EIF3B: variants seen among roughly 807,000 people sequenced by gnomAD.
EIF3B encodes eukaryotic translation initiation factor 3 subunit 9.
In EIF3B, 10 loss-of-function variants were observed where a neutral mutation model predicts 104.6. That is an observed-to-expected ratio of 0.10 (90% CI 0.06 to 0.16). EIF3B has a LOEUF of 0.16. Ranked by LOEUF, EIF3B falls within the 10% of genes least tolerant of loss-of-function variation. EIF3B has a pLI of 1.00. For synonymous variants in EIF3B, 542 were observed against 417.2 expected (o/e 1.30, Z -3.65); for missense variants, 1,014 against 1,087.9 (o/e 0.93, Z 0.96).
At position 2,362,604 on chromosome 7, in the gene EIF3B, C is replaced by T. The variant is rs112539906; in HGVS notation, c.693-41C>T. ...GGCGGACAGCGCATACCTGCCTAGC[C>T]TTACAGTGTGGGTATGTGCCAACGG... On this transcript the variant is annotated intron_variant, in intron 2 of 18. Coordinates refer to ENST00000360876, the MANE Select transcript of EIF3B (RefSeq NM_001037283.2). The T allele has an allele frequency of 5.0e-6, 8 of 1,612,876 alleles. No individual in the cohort carries two copies. The African/African-American group carries it at 1.1e-4, about 21-fold the overall frequency.
At chr7:2,356,580 G>A (rs1017944751) in intron 1 of EIF3B, among the ~76,000 whole-genome samples, 28 of 148,238 alleles carry the variant, frequency 1.9e-4, no homozygotes, top group African/African-American at 6.5e-4. Context: ...TCCATCCTGG[G>A]CGACAGAGCA....
chr7:2,366,417 T>C lies in EIF3B; in HGVS notation c.1258T>C (p.Cys420Arg). 1 of 1,614,084 alleles carries C rather than the reference T, an allele frequency of 6.2e-7. No homozygotes were observed. Residue 420 changes from cysteine (C) to arginine (R), a missense_variant, in exon 7 of 19, where the codon TGT becomes CGT. Cys to Arg is a radical substitution (Grantham distance 180). Coordinates refer to ENST00000360876, the MANE Select transcript of EIF3B (RefSeq NM_001037283.2). Reference sequence around the variant, plus strand: ...GGGGCACAAGAAGAGGGGTTTTCACTGTGAGAGCTCAGCCCATTGGCCTAT... The same window carrying C: ...GGGGCACAAGAAGAGGGGTTTTCACCGTGAGAGCTCAGCCCATTGGCCTAT... ...LTGHKKRGFH[C>R]ESSAHWPIFK...
intron 1 of EIF3B, 90 bp from the exon 2 acceptor site, chr7:2,360,620 C>T (rs1779677396): frequency 6.6e-6 from 7 of 1,058,436 alleles, no homozygotes; most frequent in Non-Finnish European, 9.4e-6. Context: ...AATTCATTGT[C>T]TCTTCTTGAA....
At chr7:2,365,727 A>G (rs999100522) in intron 6 of EIF3B, among the ~76,000 whole-genome samples, 30 of 145,256 alleles carry the variant, frequency 2.1e-4, no homozygotes, top group African/African-American at 7.6e-4. Flanking sequence ...CCAGACTGGA[A>G]TGTAGTGGCA....
chr7:2,368,612 C>G (rs1167623607), intron 9 of EIF3B, among the ~76,000 whole-genome samples: 2 of 152,210 alleles, frequency 1.3e-5, no homozygotes, highest in Non-Finnish European at 2.9e-5. Flanking sequence ...TTCCTTCCAT[C>G]TACCTCGTCT....
At position 2,374,570 on chromosome 7, in the gene EIF3B, C is replaced by T; in HGVS notation, c.1853C>T (p.Pro618Leu). The T allele has an allele frequency of 6.2e-7, 1 of 1,614,106 alleles. No homozygotes were observed. Among genetic ancestry groups the T allele is most frequent in the Non-Finnish European group, 8.5e-7 (1 of 1,179,972 alleles). ...CAGGCGAACACCATCTTCTGGAGCCCCCAAGGACAGTTCGTGGTGTTGGCG... is the reference window on the plus strand; with the variant it reads ...CAGGCGAACACCATCTTCTGGAGCCTCCAAGGACAGTTCGTGGTGTTGGCG... ...KQQANTIFWS[P>L]QGQFVVLAGL... The change falls in exon 13 of 19, where the codon CCC (proline) becomes CTC (leucine). Residue 618 changes from proline to leucine, a missense_variant. Coordinates refer to ENST00000360876, the MANE Select transcript of EIF3B (RefSeq NM_001037283.2).
In EIF3B at chr7:2,366,808, T is replaced by C. The variant is rs535821616; in HGVS notation, c.1357-191T>C. ...AGCCGTGGGAAGTCCTGGATGGGAG[T>C]TAATGCAGTGGGCTTCAGAACTGCA... On this transcript the variant is annotated intron_variant, in intron 8 of 18. Coordinates refer to ENST00000360876, the MANE Select transcript of EIF3B (RefSeq NM_001037283.2). 4.5e-5 allele frequency: 36 copies of C among 791,298 alleles called. No homozygotes were observed. The Admixed American group carries it at 9.3e-4, about 20-fold the overall frequency. 49.0% of individuals were successfully genotyped at this position (791,298 alleles called of 1,614,324 possible). A position where few individuals can be genotyped will look rare whatever the true frequency, so the allele number is the denominator to read the frequency against.
intron 16 of EIF3B, 59 bp downstream of exon 16, chr7:2,378,825 G>C: frequency 6.9e-7 from 1 of 1,448,406 alleles, no homozygotes; most frequent in Non-Finnish European, 9.6e-7. Flanking sequence ...TGGCAAAGGC[G>C]GGGCTGCGGG....
intron 14 of EIF3B, chr7:2,376,585 A>G (rs921237237): frequency 2.8e-5 from 6 of 213,352 alleles, no homozygotes; most frequent in Admixed American, 2.3e-4. Context: ...GAGTAGTGCT[A>G]TGCAGTTAGC....
intron 13 of EIF3B, chr7:2,375,174 T>A (rs768197767): frequency 3.7e-6 from 2 of 542,226 alleles, no homozygotes; most frequent in East Asian, 5.8e-5. Context: ...CCAGTAAAAA[T>A]AATATGATGG....
chr7:2,363,614 C>T lies in EIF3B; in HGVS notation c.871-18C>T, dbSNP rs779377802. On this transcript the variant is annotated intron_variant, in intron 4 of 18. Transcript: ENST00000360876. ...TTAAAATTAATGAAATGTTATATTC[C>T]TTGTCTTTGTTTTTAAGGGGAACTT... 8.8e-6 allele frequency: 14 copies of T among 1,587,990 alleles called. No homozygotes were observed. Among genetic ancestry groups the T allele is most frequent in the Admixed American group, 7.5e-5 (4 of 53,206 alleles).
At chr7:2,371,971 T>C (rs1780366526) in intron 11 of EIF3B, 122 bp downstream of exon 11, 1 of 760,690 alleles carries the variant, frequency 1.3e-6, no homozygotes, top group Non-Finnish European at 2.3e-6. Flanking sequence ...GCCCTCACCA[T>C]GAATAGTCAT....
intron 10 of EIF3B, among the ~76,000 whole-genome samples, chr7:2,370,671 G>A (rs537993006): frequency 1.4e-4 from 21 of 152,148 alleles, no homozygotes; most frequent in Admixed American, 1.1e-3. Context: ...CGTTTTCATC[G>A]GCTGGGTGCG....
chr7:2,356,541 T>C lies in EIF3B; in HGVS notation c.499+1121T>C, dbSNP rs188101005. 4.1e-3 allele frequency among the ~76,000 whole-genome samples: 609 copies of C among 148,062 alleles called. 1 individual carries two copies. The highest frequency in any genetic ancestry group is 0.014 in the African/African-American group (573 of 39,996). ...TGGTGTGAACCTGGGAGGCGGAGCT[T>C]GCAGTGAGCCGAGATCCTGCCACTG... On this transcript the variant is annotated intron_variant, in intron 1 of 18. Transcript: ENST00000360876.
At chr7:2,360,489 T>G (rs1779670432) in intron 1 of EIF3B, among the ~76,000 whole-genome samples, 1 of 152,214 alleles carries the variant, frequency 6.6e-6, no homozygotes, top group Non-Finnish European at 1.5e-5. Flanking sequence ...TGACCTGTCT[T>G]GACTGTTTAC....
Position 2,380,460 on chromosome 7 carries a change from C to T in EIF3B, c.*271C>T, listed in dbSNP as rs752437281. 2 of 508,636 alleles carry T rather than the reference C, an allele frequency of 3.9e-6. No individual in the cohort carries two copies. The highest frequency in any genetic ancestry group is 3.9e-5 in the African/African-American group (2 of 51,456). The allele number at this position is 508,636 out of a possible 1,614,324, so 31.5% of individuals were successfully genotyped here. On this transcript the variant is annotated 3_prime_UTR_variant, in exon 19 of 19. Coordinates refer to ENST00000360876, the MANE Select transcript of EIF3B (RefSeq NM_001037283.2). ...GGATTTAAGGCACCCGCTTCCACTT[C>T]TTTCTTGTTTGGAGTTTTCTGTTGG...
intron 6 of EIF3B, 58 bp downstream of exon 6, chr7:2,364,587 A>G (rs2115300184): frequency 5.4e-6 from 8 of 1,468,006 alleles, no homozygotes; most frequent in Non-Finnish European, 7.5e-6. Flanking sequence ...CCAGCCTTCT[A>G]CAGGTGATCT....
At position 2,355,255 on chromosome 7, in the gene EIF3B, G is replaced by C. The variant is rs1483814971; in HGVS notation, c.334G>C (p.Ala112Pro). The change falls in exon 1 of 19, where the codon GCT (alanine) becomes CCT (proline). Residue 112 changes from alanine (A) to proline (P), a missense_variant. Ala to Pro is a conservative substitution (Grantham distance 27, BLOSUM62 -1). This residue lies in a region of EIF3B where 488 missense variants were observed against 404.3 expected (regional missense o/e 1.21). Coordinates refer to ENST00000360876, the MANE Select transcript of EIF3B (RefSeq NM_001037283.2). ...PAQGEAPGEQARDERSDSRAQ... is the reference protein window; with the variant it reads ...PAQGEAPGEQPRDERSDSRAQ... ...ACAGGGCGAGGCCCCAGGAGAGCAG[G>C]CTCGGGACGAGCGCTCCGACAGCCG... 1 of 1,530,180 alleles carries C rather than the reference G, an allele frequency of 6.5e-7. No individual in the cohort carries two copies. Among genetic ancestry groups the C allele is most frequent in the African/African-American group, 1.4e-5 (1 of 72,262 alleles). 94.8% of individuals were successfully genotyped at this position (1,530,180 alleles called of 1,614,324 possible). A position where few individuals can be genotyped will look rare whatever the true frequency, so the allele number is the denominator to read the frequency against.
intron 13 of EIF3B, 65 bp downstream of exon 13, chr7:2,374,671 C>T: frequency 1.4e-6 from 2 of 1,441,206 alleles, no homozygotes; most frequent in Non-Finnish European, 1.9e-6. Flanking sequence ...AGAGACCCCT[C>T]AGGCGCCTGC....
Sources: allele counts gnomAD v4.1 joint callset (sites outside exome capture counted in the v4.1 genomes callset), GRCh38; gene constraint gnomAD v4.1.1; regional missense constraint gnomAD v4.1.1; transcripts MANE v1.5; gene names NCBI Gene and HGNC (gene_info 2026-07-23, HGNC 2026-07-21).